Variants in ERBB4 observed in about 807,000 individuals in gnomAD.
The protein encoded by ERBB4 is erb-b2 receptor tyrosine kinase 4.
In ERBB4, 42 loss-of-function variants were observed where a neutral mutation model predicts 158.0. That is an observed-to-expected ratio of 0.27 (90% CI 0.21 to 0.34). ERBB4 has a LOEUF of 0.34. Ranked by LOEUF, ERBB4 falls within the 10% of genes least tolerant of loss-of-function variation. ERBB4 has a pLI of 1.00. For synonymous variants in ERBB4, 583 were observed against 558.7 expected, an observed-to-expected ratio of 1.04 and a Z score of -0.61; for missense variants, 1,333 against 1,624.1, an observed-to-expected ratio of 0.82 and a Z score of 3.08.
intron 18 of ERBB4, among the ~76,000 whole-genome samples, chr2:211,623,045 A>ATATATATAT (rs1337319527): frequency 9.4e-6 from 1 of 105,908 alleles, no homozygotes; most frequent in Non-Finnish European, 1.8e-5. Context: ...ATATATATAT[A>ATATATATAT]AAATGCCAAA....
chr2:211,527,903 G>A lies in ERBB4; in HGVS notation c.2487+34000C>T, dbSNP rs555393792. Among the ~76,000 whole-genome samples, 8 of 151,944 alleles carry A rather than the reference G, an allele frequency of 5.3e-5. No homozygotes were observed. The South Asian group carries it at 1.5e-3, about 28-fold the overall frequency. On this transcript the variant is annotated intron_variant, in intron 20 of 27. Transcript: ENST00000342788. The stretch of plus-strand genomic sequence containing the variant: ...AGCAAGAAACTAAGTCCTCTAATCA[G>A]AGAAAGTCACGTTCACTAAAAGAAA...
At chr2:212,364,747 C>T (rs1245203982) in intron 1 of ERBB4, among the ~76,000 whole-genome samples, 1 of 151,740 alleles carries the variant, frequency 6.6e-6, no homozygotes. Context: ...CCATTCTCCC[C>T]CATCCCCAAA....
rs9636271 is a variant in ERBB4, at chr2:212,048,005, C to G, written c.234+76747G>C. Among the ~76,000 whole-genome samples the G allele has an allele frequency of 2.4e-3, 358 of 152,166 alleles. 14 individuals are homozygous for G. In the East Asian group the frequency reaches 0.063, roughly 27 times the overall value. Reference sequence around the variant, plus strand: ...AGAGGGTTACATTTTATTGGGTGTTCATGAGAGACTTCGTTGGGGTATGAT... The same window carrying G: ...AGAGGGTTACATTTTATTGGGTGTTGATGAGAGACTTCGTTGGGGTATGAT... On this transcript the variant is annotated intron_variant, in intron 2 of 27. Coordinates refer to ENST00000342788, the MANE Select transcript of ERBB4 (RefSeq NM_005235.3).
chr2:212,350,677 T>G (rs895073033), intron 1 of ERBB4, among the ~76,000 whole-genome samples: 2 of 152,122 alleles, frequency 1.3e-5, no homozygotes, highest in Admixed American at 1.3e-4. Context: ...ACACAAATAT[T>G]TATGTCATGA....
intron 1 of ERBB4, among the ~76,000 whole-genome samples, chr2:212,173,141 C>T (rs956012455): frequency 1.3e-5 from 2 of 151,852 alleles, no homozygotes; most frequent in East Asian, 3.9e-4. Context: ...TCTTATTATA[C>T]CAGACATGGT....
chr2:211,988,083 CT>C (rs1438490441), intron 2 of ERBB4, among the ~76,000 whole-genome samples: 1 of 152,040 alleles, frequency 6.6e-6, no homozygotes, highest in Non-Finnish European at 1.5e-5. Flanking sequence ...TTAATTAGGA[CT>C]TTTTTATTAT....
intron 1 of ERBB4, among the ~76,000 whole-genome samples, chr2:212,513,356 G>A (rs1273495136): frequency 6.6e-6 from 1 of 152,072 alleles, no homozygotes; most frequent in African/African-American, 2.4e-5. Flanking sequence ...AAAAGTTACC[G>A]CCTTTATAGA....
At chr2:211,570,223 C>A (rs1251737394) in intron 19 of ERBB4, among the ~76,000 whole-genome samples, 1 of 152,020 alleles carries the variant, frequency 6.6e-6, no homozygotes, top group Non-Finnish European at 1.5e-5. Flanking sequence ...GCGATTTTGG[C>A]TCACTTCAAG....
chr2:211,722,665 G>C, intron 6 of ERBB4, 131 bp from the exon 7 acceptor site: 2 of 995,694 alleles, frequency 2.0e-6, no homozygotes, highest in Non-Finnish European at 3.0e-6. Flanking sequence ...TAATTTAAGA[G>C]TCATGTGTGT....
chr2:211,845,761 C>T (rs954366344), intron 3 of ERBB4, among the ~76,000 whole-genome samples: 5 of 152,128 alleles, frequency 3.3e-5, no homozygotes, highest in East Asian at 1.9e-4. Context: ...TTGTGCAAAA[C>T]GTACTCATCT....
rs533280122 is a variant in ERBB4, at chr2:211,437,633, A to T, written c.2488-6533T>A. On this transcript the variant is annotated intron_variant, in intron 20 of 27. Coordinates refer to ENST00000342788, the MANE Select transcript of ERBB4 (RefSeq NM_005235.3). Reference sequence around the variant, plus strand: ...CTGACAATAAATATTTGCTTCTCACATATTGGCCATGCGACAATTTCATCA... The same window carrying T: ...CTGACAATAAATATTTGCTTCTCACTTATTGGCCATGCGACAATTTCATCA... 4.2e-4 allele frequency among the ~76,000 whole-genome samples: 64 copies of T among 152,322 alleles called. 2 individuals carry two copies. Among genetic ancestry groups the T allele is most frequent in the African/African-American group, 1.5e-3 (62 of 41,574 alleles).
intron 1 of ERBB4, among the ~76,000 whole-genome samples, chr2:212,471,208 T>A (rs569389033): frequency 6.6e-6 from 1 of 152,166 alleles, no homozygotes; most frequent in African/African-American, 2.4e-5. Context: ...AAAATTAATA[T>A]CTTACAATCC....
intron 2 of ERBB4, among the ~76,000 whole-genome samples, chr2:212,038,493 G>C (rs116787238): frequency 6.6e-6 from 1 of 152,098 alleles, no homozygotes; most frequent in Non-Finnish European, 1.5e-5. Context: ...AAAGAGGACG[G>C]CTGTTCAAAA....
intron 1 of ERBB4, among the ~76,000 whole-genome samples, chr2:212,484,320 T>C (rs1689865887): frequency 1.3e-5 from 2 of 152,192 alleles, no homozygotes; most frequent in Non-Finnish European, 2.9e-5. Flanking sequence ...TTCCTCTCCT[T>C]GCATGAACCA....
At chr2:211,912,195 AG>A in intron 3 of ERBB4, among the ~76,000 whole-genome samples, 1 of 152,254 alleles carries the variant, frequency 6.6e-6, no homozygotes, top group Non-Finnish European at 1.5e-5. Context: ...GAAGAGAAAA[AG>A]GGAGTAAAGG....
At chr2:212,176,780 T>C (rs2081676927) in intron 1 of ERBB4, among the ~76,000 whole-genome samples, 1 of 151,916 alleles carries the variant, frequency 6.6e-6, no homozygotes, top group African/African-American at 2.4e-5. Context: ...GTCAGTGTAT[T>C]ATGTTGATCC....
intron 3 of ERBB4, among the ~76,000 whole-genome samples, chr2:211,839,765 G>A (rs547409441): frequency 2.0e-5 from 3 of 152,094 alleles, no homozygotes; most frequent in Admixed American, 6.6e-5. Context: ...AACACTATAG[G>A]TTTACATTCA....
In ERBB4 at chr2:212,129,168, T is replaced by C. The variant is rs188844003; in HGVS notation, c.83-4265A>G. 9.4e-4 allele frequency among the ~76,000 whole-genome samples: 143 copies of C among 151,840 alleles called. 1 individual carries two copies. Among genetic ancestry groups the C allele is most frequent in the African/African-American group, 3.3e-3 (137 of 41,544 alleles). On this transcript the variant is annotated intron_variant, in intron 1 of 27. Coordinates refer to ENST00000342788, the MANE Select transcript of ERBB4 (RefSeq NM_005235.3). Reference sequence around the variant, plus strand: ...TTTCTAAAGTATATCCAATAACACATTGCAACCTATATATAATTTATGTTG... The same window carrying C: ...TTTCTAAAGTATATCCAATAACACACTGCAACCTATATATAATTTATGTTG...
intron 2 of ERBB4, among the ~76,000 whole-genome samples, chr2:212,056,161 T>C (rs2077560842): frequency 6.6e-6 from 1 of 152,272 alleles, no homozygotes; most frequent in African/African-American, 2.4e-5. Flanking sequence ...TTTGATCAAC[T>C]GGAAGAAAGG....
Sources: allele counts gnomAD v4.1 joint callset (sites outside exome capture counted in the v4.1 genomes callset), GRCh38; gene constraint gnomAD v4.1.1; transcripts MANE v1.5; gene names NCBI Gene and HGNC (gene_info 2026-07-23, HGNC 2026-07-21).